MAPK10: variants seen among roughly 807,000 people sequenced by gnomAD.
The protein encoded by MAPK10 is mitogen-activated protein kinase 10, also known as JNK3 alpha protein kinase.
In MAPK10, 25 loss-of-function variants were observed where a neutral mutation model predicts 59.3. The observed-to-expected ratio is 0.42, with a 90% CI of 0.31 to 0.59. The LOEUF (loss-of-function observed/expected upper bound fraction) is 0.59, where lower values mean the gene tolerates loss of function less well. Ranked by LOEUF, MAPK10 falls within the 20% of genes least tolerant of loss-of-function variation. The probability of loss-of-function intolerance (pLI) is 0.15; values close to 1 mark genes in which losing one functional copy is unlikely to be tolerated. For missense variants in MAPK10, 351 were observed against 568.9 expected, an observed-to-expected ratio of 0.62 and a Z score of 3.90; for synonymous variants, 190 against 200.5, an observed-to-expected ratio of 0.95 and a Z score of 0.44.
At chr4:86,272,333 T>G (rs2094458461) in intron 2 of MAPK10, among the ~76,000 whole-genome samples, 1 of 152,090 alleles carries the variant, frequency 6.6e-6, no homozygotes, top group South Asian at 2.1e-4. Flanking sequence ...TAAATGTTGA[T>G]GAAGACTGAT....
intron 3 of MAPK10, among the ~76,000 whole-genome samples, chr4:86,188,356 C>G (rs1457963071): frequency 6.6e-6 from 1 of 152,196 alleles, no homozygotes; most frequent in Admixed American, 6.5e-5. Flanking sequence ...AATTTACACT[C>G]CCACCAACAG....
intron 1 of MAPK10, among the ~76,000 whole-genome samples, chr4:86,497,197 T>C (rs1754931121): frequency 1.3e-5 from 2 of 152,326 alleles, no homozygotes; most frequent in South Asian, 4.1e-4. Context: ...TCAGGTACTT[T>C]ATGGTTCTAC....
intron 1 of MAPK10, among the ~76,000 whole-genome samples, chr4:86,478,046 T>C (rs957260263): frequency 6.6e-6 from 1 of 152,168 alleles, no homozygotes; most frequent in Admixed American, 6.5e-5. Context: ...ACACACGTGC[T>C]TTCCCCACCG....
chr4:86,096,632 A>T (rs1014514458), intron 9 of MAPK10, among the ~76,000 whole-genome samples: 6 of 151,974 alleles, frequency 3.9e-5, no homozygotes, highest in Non-Finnish European at 5.9e-5. Context: ...CTGAGTATTG[A>T]TTGAGAGGTT....
intron 2 of MAPK10, among the ~76,000 whole-genome samples, chr4:86,237,518 T>C (rs926510140): frequency 1.2e-4 from 19 of 152,182 alleles, no homozygotes; most frequent in Admixed American, 5.9e-4. Flanking sequence ...CCAGCATCTA[T>C]TGTTTCCTGA....
At chr4:86,569,100 A>G (rs1761270797) in intron 1 of MAPK10, among the ~76,000 whole-genome samples, 1 of 151,982 alleles carries the variant, frequency 6.6e-6, no homozygotes, top group Non-Finnish European at 1.5e-5. Context: ...ACAATTCAAC[A>G]AGAAAAAAAC....
intron 1 of MAPK10, among the ~76,000 whole-genome samples, chr4:86,371,556 G>GA (rs1428478668): frequency 2.0e-5 from 3 of 152,148 alleles, no homozygotes; most frequent in Admixed American, 6.5e-5. Flanking sequence ...GAGAGGTTAA[G>GA]AAAAAAATGC....
chr4:86,324,942 T>C lies in MAPK10; in HGVS notation c.-7+29588A>G, dbSNP rs2095988107. 2.0e-5 allele frequency among the ~76,000 whole-genome samples: 3 copies of C among 152,228 alleles called. No individual in the cohort carries two copies. The South Asian group carries it at 6.2e-4, about 31-fold the overall frequency. ...TCAATATTTTTTTTAGTTTACAGTCTGAACAAGCTCTCAGACTTGAGCCAT... is the reference window on the plus strand; with the variant it reads ...TCAATATTTTTTTTAGTTTACAGTCCGAACAAGCTCTCAGACTTGAGCCAT... On this transcript the variant is annotated intron_variant, in intron 2 of 13. Transcript: ENST00000641462.
At chr4:86,360,111 G>A (rs893852542), upstream of MAPK10, 5 of 985,688 alleles carry the variant, frequency 5.1e-6, 1 homozygote, top group South Asian at 1.4e-4. Flanking sequence ...TATGGCAACC[G>A]AAAGGAGCAC....
At chr4:86,292,495 C>T (rs561306620) in intron 2 of MAPK10, among the ~76,000 whole-genome samples, 2 of 152,176 alleles carry the variant, frequency 1.3e-5, no homozygotes, top group Admixed American at 6.5e-5. Flanking sequence ...GGTGGGAGGA[C>T]AGCTTGACGT....
At chr4:86,499,000 T>C (rs1242429075) in intron 1 of MAPK10, among the ~76,000 whole-genome samples, 2 of 152,220 alleles carry the variant, frequency 1.3e-5, no homozygotes, top group East Asian at 1.9e-4. Flanking sequence ...TTAGTTCAAA[T>C]GTGGAATGGA....
In MAPK10 at chr4:86,067,973, A is replaced by C; in HGVS notation, c.803-18T>G. The C allele has an allele frequency of 6.4e-7, 1 of 1,563,532 alleles. No individual in the cohort carries two copies. The highest frequency in any genetic ancestry group is 8.7e-7 in the Non-Finnish European group (1 of 1,149,756). ...GTCAATATCTGAGAATTGAACAGTT[A>C]AGGGAAAAAAGAAGAGCAGACCACT... On this transcript the variant is annotated intron_variant, in intron 9 of 13. Coordinates refer to ENST00000641462, the MANE Select transcript of MAPK10 (RefSeq NM_138982.4).
chr4:86,413,160 C>G (rs765010848), intron 1 of MAPK10, among the ~76,000 whole-genome samples: 1 of 152,154 alleles, frequency 6.6e-6, no homozygotes, highest in Non-Finnish European at 1.5e-5. Flanking sequence ...ACAGTCAGGC[C>G]CCTCAGCTGC....
chr4:86,494,875 A>C (rs1754753599), intron 1 of MAPK10, among the ~76,000 whole-genome samples: 1 of 141,654 alleles, frequency 7.1e-6, no homozygotes, highest in South Asian at 2.2e-4. Flanking sequence ...AAAAAAAAAA[A>C]AAAAAGCTTC....
intron 1 of MAPK10, among the ~76,000 whole-genome samples, chr4:86,536,370 A>G (rs1296747531): frequency 1.3e-5 from 2 of 152,224 alleles, no homozygotes; most frequent in East Asian, 1.9e-4. Context: ...ATGAAAACAG[A>G]TGTGTATAAC....
chr4:86,281,394 G>C (rs2094797595), intron 2 of MAPK10, among the ~76,000 whole-genome samples: 1 of 151,962 alleles, frequency 6.6e-6, no homozygotes, highest in Non-Finnish European at 1.5e-5. Flanking sequence ...CCACCTACTT[G>C]GGAGACTGAG....
intron 1 of MAPK10, among the ~76,000 whole-genome samples, chr4:86,545,699 G>A (rs541660668): frequency 1.3e-5 from 2 of 152,284 alleles, no homozygotes; most frequent in South Asian, 4.1e-4. Context: ...AAGGAGAAGA[G>A]AGGTGTTAAT....
At chr4:86,568,382 C>G (rs1761213399) in intron 1 of MAPK10, among the ~76,000 whole-genome samples, 1 of 151,956 alleles carries the variant, frequency 6.6e-6, no homozygotes, top group South Asian at 2.1e-4. Flanking sequence ...ACAGATTCAA[C>G]ACAATTCCTT....
rs1002759105 is a variant in MAPK10, at chr4:86,346,746, A to T, written c.-7+7784T>A. Among the ~76,000 whole-genome samples, 21 of 152,000 alleles carry T rather than the reference A, an allele frequency of 1.4e-4. 1 individual carries two copies. Among genetic ancestry groups the T allele is most frequent in the Non-Finnish European group, 2.4e-4 (16 of 67,952 alleles). On this transcript the variant is annotated intron_variant, in intron 2 of 13. Transcript: ENST00000641462. The stretch of plus-strand genomic sequence containing the variant: ...CAAGTTTGTTTGGAAAAAAAAAAAA[A>T]AAAAAACACATCTAAGTGGACCCAC...
Sources: gnomAD v4.1 joint callset for allele counts (sites outside exome capture counted in the v4.1 genomes callset) on GRCh38, gnomAD v4.1.1 for gene constraint, MANE v1.5 for transcripts, NCBI Gene and HGNC (gene_info 2026-07-23, HGNC 2026-07-21) for gene names.